DUSP3: variants seen among roughly 807,000 people sequenced by gnomAD.
DUSP3 encodes dual specificity protein phosphatase 3.
DUSP3 carries 7 observed loss-of-function variants against 15.5 expected under a neutral mutation model. The observed-to-expected ratio is 0.45, with a 90% CI of 0.26 to 0.85. The LOEUF is 0.85. DUSP3 is among the 40% of genes least tolerant of loss of function. The pLI, the probability that DUSP3 is intolerant of heterozygous loss-of-function variation, is 0.18. For synonymous variants in DUSP3, 86 were observed against 104.2 expected (o/e 0.83, Z 1.07); for missense variants, 209 against 251.7 (o/e 0.83, Z 1.15).
At position 43,766,890 on chromosome 17, in the gene DUSP3, G is replaced by C. The variant is rs559414514; in HGVS notation, c.*2719C>G. 1.3e-5 allele frequency: 2 copies of C among 152,202 alleles called. No homozygotes were observed. Among genetic ancestry groups the C allele is most frequent in the South Asian group, 2.1e-4 (1 of 4,824 alleles). 9.4% of individuals were successfully genotyped at this position (152,202 alleles called of 1,614,324 possible). On this transcript the variant is annotated 3_prime_UTR_variant, in exon 3 of 3. Coordinates refer to ENST00000226004, the MANE Select transcript of DUSP3 (RefSeq NM_004090.4). Reference sequence around the variant, plus strand: ...CAAAGAAAGGGAACAGGTCTGGGGAGGGGGTAAGGGCACCCTGAGTTCCTG... The same window carrying C: ...CAAAGAAAGGGAACAGGTCTGGGGACGGGGTAAGGGCACCCTGAGTTCCTG...
intron 1 of DUSP3, among the ~76,000 whole-genome samples, chr17:43,775,762 G>C (rs974914240): frequency 2.0e-5 from 3 of 152,140 alleles, no homozygotes; most frequent in African/African-American, 7.2e-5. Flanking sequence ...AAGCTCTTTT[G>C]GGTGATTTAG....
At chr17:43,777,487 A>G (rs1474033312) in intron 1 of DUSP3, 1 of 455,898 alleles carries the variant, frequency 2.2e-6, no homozygotes, top group Non-Finnish European at 4.4e-6. Flanking sequence ...AGTCCTTGGC[A>G]GGCTAAACAG....
intron 1 of DUSP3, among the ~76,000 whole-genome samples, chr17:43,776,652 G>A (rs963197448): frequency 2.0e-5 from 3 of 152,210 alleles, no homozygotes; most frequent in Non-Finnish European, 2.9e-5. Flanking sequence ...TGCTTAGAGG[G>A]CAAGGGATGT....
intron 1 of DUSP3, chr17:43,778,160 G>A (rs950987736): frequency 1.3e-5 from 2 of 153,434 alleles, no homozygotes; most frequent in African/African-American, 4.8e-5. Context: ...GAAAGGTCAA[G>A]AGCCTTTTCT....
At chr17:43,770,511 G>C (rs1974302615) in intron 2 of DUSP3, among the ~76,000 whole-genome samples, 1 of 152,056 alleles carries the variant, frequency 6.6e-6, no homozygotes, top group South Asian at 2.1e-4. Flanking sequence ...CAAAAAAATA[G>C]CTGGGTGTGG....
chr17:43,770,722 T>C (rs755441998), intron 2 of DUSP3, among the ~76,000 whole-genome samples: 33 of 150,292 alleles, frequency 2.2e-4, no homozygotes, highest in Non-Finnish European at 4.0e-4. Context: ...TGGTGGAGCA[T>C]AGAGACTGGG....
chr17:43,776,445 C>T (rs1248797753), intron 1 of DUSP3, among the ~76,000 whole-genome samples: 1 of 152,262 alleles, frequency 6.6e-6, no homozygotes, highest in Non-Finnish European at 1.5e-5. Context: ...CACTCTGCCC[C>T]TCATGCCCAC....
chr17:43,774,565 G>A (rs1974362420), intron 2 of DUSP3, 147 bp downstream of exon 2: 2 of 878,178 alleles, frequency 2.3e-6, no homozygotes, highest in Admixed American at 5.0e-5. Flanking sequence ...AGCCAGGTGA[G>A]CAGAGAGAGA....
chr17:43,769,562 C>T lies in DUSP3; in HGVS notation c.*47G>A. ...ACATGGCAGCTCGGGACACCTTTGC[C>T]CACGGCCTCCCCCACGGACCTCTCG... On this transcript the variant is annotated 3_prime_UTR_variant, in exon 3 of 3. Transcript: ENST00000226004. 1 of 1,605,542 alleles carries T rather than the reference C, an allele frequency of 6.2e-7. No individual in the cohort carries two copies. The highest frequency in any genetic ancestry group is 8.5e-7 in the Non-Finnish European group (1 of 1,177,020).
chr17:43,773,046 G>A (rs1246437231), intron 2 of DUSP3, among the ~76,000 whole-genome samples: 1 of 152,210 alleles, frequency 6.6e-6, no homozygotes, highest in East Asian at 1.9e-4. Context: ...GAGGAACTCA[G>A]TACAGCTGGA....
At position 43,768,178 on chromosome 17, in the gene DUSP3, GAC is replaced by G. The variant is rs1424499962; in HGVS notation, c.*1429_*1430del. On this transcript the variant is annotated 3_prime_UTR_variant, in exon 3 of 3. Transcript: ENST00000226004. ...TGTTTACTTTCTTAAACTTTTATCA[GAC>G]ACCTATGTGCAAGGTGCTGGGGGCA... 9.9e-5 allele frequency: 15 copies of G among 152,138 alleles called. No individual in the cohort carries two copies. The highest frequency in any genetic ancestry group is 3.6e-4 in the African/African-American group (15 of 41,414). 9.4% of individuals were successfully genotyped at this position (152,138 alleles called of 1,614,324 possible).
rs369228667 is a variant in DUSP3, at chr17:43,769,587, G to C, written c.*22C>G. 1.9e-6 allele frequency: 3 copies of C among 1,610,034 alleles called. No individual in the cohort carries two copies. Among genetic ancestry groups the C allele is most frequent in the Non-Finnish European group, 2.5e-6 (3 of 1,179,120 alleles). On this transcript the variant is annotated 3_prime_UTR_variant, in exon 3 of 3. Transcript: ENST00000226004. ...CCACGGCCTCCCCCACGGACCTCTC[G>C]AGCAGAGGTGGTGGGGGTGCCCTAG... is the stretch of plus-strand genomic sequence containing the variant.
intron 2 of DUSP3, 134 bp downstream of exon 2, chr17:43,774,578 T>G: frequency 2.0e-6 from 2 of 986,386 alleles, no homozygotes; most frequent in South Asian, 1.4e-5. Context: ...GAGAGAGACC[T>G]ACAGCTCTGT....
At position 43,774,607 on chromosome 17, in the gene DUSP3, G is replaced by A. The variant is rs772172010; in HGVS notation, c.352+105C>T. The A allele has an allele frequency of 3.4e-4, 425 of 1,262,062 alleles. 1 individual carries two copies. The highest frequency in any genetic ancestry group is 1.8e-4 in the Non-Finnish European group (159 of 884,098). The allele number at this position is 1,262,062 out of a possible 1,614,324, so 78.2% of individuals were successfully genotyped here. On this transcript the variant is annotated intron_variant, in intron 2 of 2. Coordinates refer to ENST00000226004, the MANE Select transcript of DUSP3 (RefSeq NM_004090.4). ...GCTCTGTCGTTCACCCCAGAAGATGGGAAACAAGGGAGTTTCTAAGAAGAG... is the reference window on the plus strand; with the variant it reads ...GCTCTGTCGTTCACCCCAGAAGATGAGAAACAAGGGAGTTTCTAAGAAGAG...
chr17:43,769,696 G>A lies in DUSP3; in HGVS notation c.471C>T (p.Asn157=). The A allele has an allele frequency of 6.2e-7, 1 of 1,613,824 alleles. No homozygotes were observed. The highest frequency in any genetic ancestry group is 8.5e-7 in the Non-Finnish European group (1 of 1,179,954). The change falls in exon 3 of 3, where the codon AAC becomes AAT. Residue 157 remains asparagine, a synonymous_variant. Transcript: ENST00000226004. ...AGCCATCGTTGGGGCCGATCTCACG[G>A]TTCTGCCTCACGATGCTCAGGGCAG... The part of the protein sequence containing the change: ...VKSALSIVRQ[N]REIGPNDGFL...
At position 43,769,169 on chromosome 17, in the gene DUSP3, T is replaced by G; in HGVS notation, c.*440A>C. 5.6e-6 allele frequency: 1 copy of G among 179,850 alleles called. No homozygotes were observed. Among genetic ancestry groups the G allele is most frequent in the Non-Finnish European group, 1.2e-5 (1 of 86,906 alleles). 11.1% of individuals were successfully genotyped at this position (179,850 alleles called of 1,614,324 possible). A position where few individuals can be genotyped will look rare whatever the true frequency, so the allele number is the denominator to read the frequency against. On this transcript the variant is annotated 3_prime_UTR_variant, in exon 3 of 3. Transcript: ENST00000226004. Reference sequence around the variant, plus strand: ...CACAGACGTGGTGGGGAGAGTGGCCTGCATTTGCATAGTTCCTTTACTAGG... The same window carrying G: ...CACAGACGTGGTGGGGAGAGTGGCCGGCATTTGCATAGTTCCTTTACTAGG...
chr17:43,768,116 C>G lies in DUSP3; in HGVS notation c.*1493G>C, dbSNP rs753780991. The G allele has an allele frequency of 6.6e-6, 1 of 152,128 alleles. No individual in the cohort carries two copies. The highest frequency in any genetic ancestry group is 1.5e-5 in the Non-Finnish European group (1 of 68,032). The allele number at this position is 152,128 out of a possible 1,614,324, so 9.4% of individuals were successfully genotyped here. A position where few individuals can be genotyped will look rare whatever the true frequency, so the allele number is the denominator to read the frequency against. Reference sequence around the variant, plus strand: ...TCTTCTGGGAGCGTGACACACCCACCAGAACAATGCCCTATATATATTTGG... The same window carrying G: ...TCTTCTGGGAGCGTGACACACCCACGAGAACAATGCCCTATATATATTTGG... On this transcript the variant is annotated 3_prime_UTR_variant, in exon 3 of 3. Coordinates refer to ENST00000226004, the MANE Select transcript of DUSP3 (RefSeq NM_004090.4).
In DUSP3 at chr17:43,778,903, A is replaced by G; in HGVS notation, c.22T>C (p.Ser8Pro). Residue 8 changes from serine to proline, a missense_variant, in exon 1 of 3, where the codon TCG becomes CCG. Ser to Pro is a moderately conservative substitution (Grantham distance 74, BLOSUM62 -1). Coordinates refer to ENST00000226004, the MANE Select transcript of DUSP3 (RefSeq NM_004090.4). ...AGCAGGTCGTTGAGATCCTGCACCGAGAGCTCGAACGAGCCCGACATGGCG... is the reference window on the plus strand; with the variant it reads ...AGCAGGTCGTTGAGATCCTGCACCGGGAGCTCGAACGAGCCCGACATGGCG... MSGSFEL[S>P]VQDLNDLLSD... 1 of 1,485,378 alleles carries G rather than the reference A, an allele frequency of 6.7e-7. No homozygotes were observed. The highest frequency in any genetic ancestry group is 3.0e-5 in the East Asian group (1 of 33,872). The allele number at this position is 1,485,378 out of a possible 1,614,324, so 92.0% of individuals were successfully genotyped here. A position where few individuals can be genotyped will look rare whatever the true frequency, so the allele number is the denominator to read the frequency against.
rs749400352 is a variant in DUSP3 at position 43,778,802 on chromosome 17, G to A, written c.123C>T (p.Asn41=). 2.6e-6 allele frequency: 4 copies of A among 1,531,932 alleles called. No individual in the cohort carries two copies. The highest frequency in any genetic ancestry group is 3.5e-6 in the Non-Finnish European group (4 of 1,141,474). The allele number at this position is 1,531,932 out of a possible 1,614,324, so 94.9% of individuals were successfully genotyped here. The change falls in exon 1 of 3, where the codon AAC becomes AAT. Residue 41 remains asparagine (N), a splice_region_variant and synonymous_variant. Transcript: ENST00000226004. The part of the protein sequence containing the change: ...NEVTPRIYVG[N]ASVAQDIPKL... ...CCGGGCTCGCGAAAGGGACTCACGC[G>A]TTGCCCACGTAGATCCGCGGGGTGA...
Sources: allele counts gnomAD v4.1 joint callset (sites outside exome capture counted in the v4.1 genomes callset), GRCh38; gene constraint gnomAD v4.1.1; transcripts MANE v1.5; gene names NCBI Gene and HGNC (gene_info 2026-07-23, HGNC 2026-07-21).